The following SPTA1 variants were observed in gnomAD, a reference collection of about 807,000 sequenced individuals.
SPTA1 encodes spectrin alpha, erythrocytic 1.
SPTA1 carries 177 observed loss-of-function variants against 324.7 expected under a neutral mutation model. The ratio of observed to expected loss-of-function variants is 0.55; its 90% CI spans 0.48 to 0.62. The LOEUF (loss-of-function observed/expected upper bound fraction) is 0.62. Among genes scored for constraint, SPTA1 ranks in the 20% least tolerant of loss-of-function variants. The pLI is 0.00. For synonymous variants in SPTA1, 1,195 were observed against 1,041.3 expected (o/e 1.15, Z -2.84); for missense variants, 3,162 against 2,883.6 (o/e 1.10, Z -2.21).
chr1:158,648,799 A>G, intron 25 of SPTA1, 146 bp from the exon 26 acceptor site: 2 of 793,292 alleles, frequency 2.5e-6, no homozygotes, highest in Admixed American at 5.2e-5. Flanking sequence ...ATTGTTTTTT[A>G]TGTGCTAGAA....
intron 22 of SPTA1, 53 bp downstream of exon 22, chr1:158,653,221 G>A (rs894497270): frequency 7.0e-5 from 113 of 1,612,832 alleles, no homozygotes; most frequent in Non-Finnish European, 9.4e-5. Context: ...AAATGCCTTT[G>A]GCGAAAAATG....
intron 39 of SPTA1, among the ~76,000 whole-genome samples, chr1:158,631,566 A>G (rs1650679038): frequency 6.6e-6 from 1 of 152,188 alleles, no homozygotes; most frequent in South Asian, 2.1e-4. Flanking sequence ...GAACTTATCC[A>G]TATAACCAAA....
chr1:158,651,567 C>G (rs148243043), intron 23 of SPTA1, 99 bp from the exon 24 acceptor site: 1 of 822,420 alleles, frequency 1.2e-6, no homozygotes, highest in Non-Finnish European at 2.1e-6. Flanking sequence ...ATCTCTGCCC[C>G]TACATCACCG....
intron 2 of SPTA1, among the ~76,000 whole-genome samples, chr1:158,683,768 T>TGAGG (rs1654977514): frequency 6.8e-6 from 1 of 146,942 alleles, no homozygotes; most frequent in African/African-American, 2.4e-5. Flanking sequence ...TCCTTCCTCA[T>TGAGG]CAGAAAAGAG....
rs757733032 is a variant in SPTA1 at position 158,649,949 on chromosome 1, T to G, written c.3478-2A>C. The G allele has an allele frequency of 6.2e-7, 1 of 1,609,272 alleles. No homozygotes were observed. Among genetic ancestry groups the G allele is most frequent in the Non-Finnish European group, 8.5e-7 (1 of 1,176,502 alleles). On this transcript the variant is annotated splice_acceptor_variant, in intron 24 of 51. Coordinates refer to ENST00000643759, the MANE Select transcript of SPTA1 (RefSeq NM_003126.4). LOFTEE classifies it high-confidence loss of function. ...AGAACCCCAGCGGGAATTCAATTCC[T>G]AAAAGAGGCAAAAACATCAGACTTG...
In SPTA1 at chr1:158,626,135, A is replaced by G. The variant is rs377076324; in HGVS notation, c.5910+11T>C. 44 of 1,612,716 alleles carry G rather than the reference A, an allele frequency of 2.7e-5. No individual in the cohort carries two copies. Among genetic ancestry groups the G allele is most frequent in the African/African-American group, 8.0e-5 (6 of 74,904 alleles). On this transcript the variant is annotated intron_variant, in intron 42 of 51. Transcript: ENST00000643759. ...CAGGTCTTGGGCTTACCTAACATCTATCAATCTCACCTGTTTTGCCAGAAG... is the reference window on the plus strand; with the variant it reads ...CAGGTCTTGGGCTTACCTAACATCTGTCAATCTCACCTGTTTTGCCAGAAG...
In SPTA1 at chr1:158,611,131, G is replaced by GCACACACACACA. The variant is rs55832242; in HGVS notation, c.*121_*132dup. 0.011 allele frequency: 7,550 copies of GCACACACACACA among 670,382 alleles called. 70 individuals carry two copies. Among genetic ancestry groups the GCACACACACACA allele is most frequent in the African/African-American group, 0.031 (1,636 of 53,454 alleles). The allele number at this position is 670,382 out of a possible 1,614,324, so 41.5% of individuals were successfully genotyped here. On this transcript the variant is annotated 3_prime_UTR_variant, in exon 52 of 52. Transcript: ENST00000643759. ...AAATGTAATATGCACACAAACACAA[G>GCACACACACACA]CACACACACACACACACACACACAC...
In SPTA1 at chr1:158,666,429, G is replaced by A. The variant is rs955145100; in HGVS notation, c.2107C>T (p.Leu703=). 1.9e-6 allele frequency: 3 copies of A among 1,613,554 alleles called. No individual in the cohort carries two copies. Among genetic ancestry groups the A allele is most frequent in the Admixed American group, 3.3e-5 (2 of 59,976 alleles). Residue 703 remains leucine (L), a synonymous_variant, in exon 16 of 52, where the codon CTG becomes TTG. Coordinates refer to ENST00000643759, the MANE Select transcript of SPTA1 (RefSeq NM_003126.4). ...GTGACTTGCCACTCAACATCCTCCA[G>A]CCAGCGCTGCAAATCTTCTGCATTA... ...ENNAEDLQRW[L]EDVEWQVTSE... is the part of the protein sequence containing the mutation.
At chr1:158,628,338 C>T (rs1650429291) in intron 39 of SPTA1, among the ~76,000 whole-genome samples, 1 of 152,166 alleles carries the variant, frequency 6.6e-6, no homozygotes, top group South Asian at 2.1e-4. Context: ...ACCACTGCCA[C>T]TGCTCCCACT....
chr1:158,636,792 G>C, intron 36 of SPTA1, 31 bp from the exon 37 acceptor site: 1 of 1,613,234 alleles, frequency 6.2e-7, no homozygotes, highest in Non-Finnish European at 8.5e-7. Context: ...AGAAAGTTTG[G>C]AGTCTAGACA....
In SPTA1 at chr1:158,627,788, C is replaced by G. The variant is rs956823258; in HGVS notation, c.5566-65G>C. The stretch of plus-strand genomic sequence containing the variant: ...CGGAAAATCTATATTCACTCATATT[C>G]AGACTCACGGGTCTATTATTCCCTA... On this transcript the variant is annotated intron_variant, in intron 39 of 51. Transcript: ENST00000643759. The G allele has an allele frequency of 1.1e-5, 16 of 1,482,700 alleles. No homozygotes were observed. The East Asian group carries it at 3.6e-4, about 34-fold the overall frequency. The allele number at this position is 1,482,700 out of a possible 1,614,324, so 91.8% of individuals were successfully genotyped here. A position where few individuals can be genotyped will look rare whatever the true frequency, so the allele number is the denominator to read the frequency against.
At position 158,623,117 on chromosome 1, in the gene SPTA1, T is replaced by A; in HGVS notation, c.5986A>T (p.Ile1996Phe). The change falls in exon 43 of 52, where the codon ATT becomes TTT. Residue 1996 changes from isoleucine to phenylalanine, a missense_variant. Physicochemically the swap from Ile to Phe is conservative, Grantham distance 21 (BLOSUM62 0). Transcript: ENST00000643759. Reference protein sequence around the residue: ...PEITDLKDKLISAQHNQSKAI... With the variant: ...PEITDLKDKLFSAQHNQSKAI... Reference sequence around the variant, plus strand: ...TTAGACTGGTTGTGTTGAGCAGAAATCAGTTTGTCCTTCAGGTCAGTGATC... The same window carrying A: ...TTAGACTGGTTGTGTTGAGCAGAAAACAGTTTGTCCTTCAGGTCAGTGATC... 1 of 1,614,150 alleles carries A rather than the reference T, an allele frequency of 6.2e-7. No homozygotes were observed. The highest frequency in any genetic ancestry group is 8.5e-7 in the Non-Finnish European group (1 of 1,180,042).
chr1:158,674,406 G>A lies in SPTA1; in HGVS notation c.1273C>T (p.Arg425Ter). 2 of 1,614,046 alleles carry A rather than the reference G, an allele frequency of 1.2e-6. No individual in the cohort carries two copies. Among genetic ancestry groups the A allele is most frequent in the African/African-American group, 1.3e-5 (1 of 75,016 alleles). Residue 425 changes from arginine to a stop codon, truncating the protein, a stop_gained, in exon 10 of 52, where the codon CGA becomes TGA. Coordinates refer to ENST00000643759, the MANE Select transcript of SPTA1 (RefSeq NM_003126.4). LOFTEE classifies it high-confidence loss of function. ...CCAGTCTCATCAGCAGATTGAAATCGGTCATCGTAAGAGTCAATCTCATGC... is the reference window on the plus strand; with the variant it reads ...CCAGTCTCATCAGCAGATTGAAATCAGTCATCGTAAGAGTCAATCTCATGC... ...HKHEIDSYDDRFQSADETGQD... is the reference protein window; with the variant it reads ...HKHEIDSYDD
At chr1:158,630,668 C>T (rs186197697) in intron 39 of SPTA1, among the ~76,000 whole-genome samples, 158 of 151,834 alleles carry the variant, frequency 1.0e-3, no homozygotes, top group Non-Finnish European at 1.7e-3. Context: ...AACTTCTGCA[C>T]AGCAAAGGAA....
At position 158,622,912 on chromosome 1, in the gene SPTA1, A is replaced by G. The variant is rs920946012; in HGVS notation, c.6120+71T>C. ...GTATTATCCAAACTGAGTTTCCAAT[A>G]TCTGTTTCCGAATTTCATGGCTAAT... is the stretch of plus-strand genomic sequence containing the variant. On this transcript the variant is annotated intron_variant, in intron 43 of 51. Transcript: ENST00000643759. 71 of 1,341,058 alleles carry G rather than the reference A, an allele frequency of 5.3e-5. No homozygotes were observed. In the South Asian group the frequency reaches 7.8e-4, roughly 15 times the overall value. The allele number at this position is 1,341,058 out of a possible 1,614,324, so 83.1% of individuals were successfully genotyped here.
At chr1:158,621,888 G>C (rs1007678229) in intron 43 of SPTA1, among the ~76,000 whole-genome samples, 1 of 152,132 alleles carries the variant, frequency 6.6e-6, no homozygotes, top group Admixed American at 6.5e-5. Flanking sequence ...TTTTGAGATG[G>C]AGTCTTGCTC....
intron 13 of SPTA1, 37 bp from the exon 14 acceptor site, chr1:158,669,600 C>A: frequency 6.2e-7 from 1 of 1,614,106 alleles, no homozygotes; most frequent in South Asian, 1.1e-5. Context: ...GTCAGCACAA[C>A]CAAATATGGA....
chr1:158,649,230 T>C (rs945168980), intron 25 of SPTA1, among the ~76,000 whole-genome samples: 4 of 152,154 alleles, frequency 2.6e-5, no homozygotes, highest in Non-Finnish European at 5.9e-5. Flanking sequence ...CAGCTTCTAG[T>C]TGAGAAATGT....
At chr1:158,657,311 T>G (rs376181315) in intron 19 of SPTA1, among the ~76,000 whole-genome samples, 166 bp downstream of exon 19, 2 of 152,218 alleles carry the variant, frequency 1.3e-5, no homozygotes, top group African/African-American at 2.4e-5. Context: ...GGGATTCCTG[T>G]CAACTCTGAG....
Sources: allele counts gnomAD v4.1 joint callset (sites outside exome capture counted in the v4.1 genomes callset), GRCh38; gene constraint gnomAD v4.1.1; transcripts MANE v1.5; gene names NCBI Gene and HGNC (gene_info 2026-07-23, HGNC 2026-07-21).